The following TTC7B variants were observed in gnomAD, a reference collection of about 807,000 sequenced individuals.
TTC7B encodes the protein tetratricopeptide repeat protein 7B.
TTC7B carries 28 observed loss-of-function variants against 106.8 expected under a neutral mutation model. The observed-to-expected ratio is 0.26, with a 90% CI of 0.19 to 0.36. The LOEUF is 0.36. Among genes scored for constraint, TTC7B ranks in the 10% least tolerant of loss-of-function variants. The pLI, the probability that TTC7B is intolerant of heterozygous loss-of-function variation, is 1.00. For missense variants in TTC7B, 862 were observed against 1,076.4 expected (o/e 0.80, Z 2.79); for synonymous variants, 405 against 430.6 (o/e 0.94, Z 0.74).
chr14:90,668,118 C>CAAAAAAAA (rs3061073), intron 9 of TTC7B, among the ~76,000 whole-genome samples: 1 of 142,768 alleles, frequency 7.0e-6, no homozygotes. Flanking sequence ...TAAGACCAAC[C>CAAAAAAAA]AAAAAAAAAA....
chr14:90,685,775 C>A (rs1230241170), intron 7 of TTC7B, among the ~76,000 whole-genome samples: 1 of 151,994 alleles, frequency 6.6e-6, no homozygotes, highest in East Asian at 1.9e-4. Flanking sequence ...AAGATGCAAA[C>A]TATTCAAACT....
chr14:90,621,098 A>G (rs1884142857), intron 15 of TTC7B, among the ~76,000 whole-genome samples: 1 of 148,276 alleles, frequency 6.7e-6, no homozygotes, highest in Admixed American at 6.6e-5. Flanking sequence ...CAGAGGCCAC[A>G]TGGGTTTGGC....
chr14:90,780,988 C>G (rs944592701), intron 2 of TTC7B, 82 bp from the exon 3 acceptor site: 1 of 1,258,284 alleles, frequency 7.9e-7, no homozygotes, highest in East Asian at 2.3e-5. Context: ...CAGCTGCTGC[C>G]GTAAAACCCC....
At chr14:90,584,052 C>T (rs750457570) in intron 18 of TTC7B, among the ~76,000 whole-genome samples, 1 of 152,152 alleles carries the variant, frequency 6.6e-6, no homozygotes. Context: ...GGACACCCCT[C>T]GACCTCATCT....
chr14:90,696,097 C>T (rs568982044), intron 5 of TTC7B, among the ~76,000 whole-genome samples: 4 of 152,212 alleles, frequency 2.6e-5, no homozygotes, highest in African/African-American at 9.6e-5. Flanking sequence ...TCAAACCAAC[C>T]CTCCTCCAAA....
chr14:90,736,691 C>T (rs1396837175), intron 4 of TTC7B, among the ~76,000 whole-genome samples: 1 of 151,800 alleles, frequency 6.6e-6, no homozygotes, highest in East Asian at 1.9e-4. Context: ...TCAAGACCAG[C>T]CTGGGCAACA....
Position 90,785,313 on chromosome 14 carries a change from G to A in TTC7B, c.276+861C>T, listed in dbSNP as rs1340856438. Among the ~76,000 whole-genome samples the A allele has an allele frequency of 3.3e-5, 5 of 152,126 alleles. No homozygotes were observed. In the East Asian group the frequency reaches 9.6e-4, roughly 29 times the overall value. On this transcript the variant is annotated intron_variant, in intron 2 of 19. Coordinates refer to ENST00000328459, the MANE Select transcript of TTC7B (RefSeq NM_001010854.2). Reference sequence around the variant, plus strand: ...CTCAGAGGATTCCGAGACAGGAAGAGAAGAAAAATGAGAAAGAAGTCATCA... The same window carrying A: ...CTCAGAGGATTCCGAGACAGGAAGAAAAGAAAAATGAGAAAGAAGTCATCA...
chr14:90,800,651 A>G (rs2030202367), intron 1 of TTC7B, among the ~76,000 whole-genome samples: 1 of 151,966 alleles, frequency 6.6e-6, no homozygotes, highest in African/African-American at 2.4e-5. Flanking sequence ...CTCTACTAAA[A>G]ATACAAAAAA....
intron 15 of TTC7B, among the ~76,000 whole-genome samples, chr14:90,629,299 A>G (rs2139862506): frequency 6.6e-6 from 1 of 151,710 alleles, no homozygotes; most frequent in Non-Finnish European, 1.5e-5. Flanking sequence ...TGCAACCATT[A>G]CAAATGAACT....
intron 9 of TTC7B, among the ~76,000 whole-genome samples, chr14:90,671,501 G>T (rs1488882376): frequency 6.6e-6 from 1 of 152,168 alleles, no homozygotes; most frequent in Non-Finnish European, 1.5e-5. Context: ...CTCCTTAGCA[G>T]CTTGGGTTCA....
intron 13 of TTC7B, among the ~76,000 whole-genome samples, chr14:90,649,240 C>T (rs1268958599): frequency 1.3e-5 from 2 of 152,240 alleles, no homozygotes. Flanking sequence ...ATTTTAAAAA[C>T]CTTATTTCTA....
Position 90,527,427 on chromosome 14 carries a change from C to T in TTC7B, c.*13941G>A, listed in dbSNP as rs1889172325. 1 of 152,208 alleles carries T rather than the reference C, an allele frequency of 6.6e-6. No individual in the cohort carries two copies. Among genetic ancestry groups the T allele is most frequent in the Non-Finnish European group, 1.5e-5 (1 of 68,048 alleles). The allele number at this position is 152,208 out of a possible 1,614,324, so 9.4% of individuals were successfully genotyped here. A position where few individuals can be genotyped will look rare whatever the true frequency, so the allele number is the denominator to read the frequency against. On this transcript the variant is annotated 3_prime_UTR_variant, in exon 20 of 20. Coordinates refer to ENST00000328459, the MANE Select transcript of TTC7B (RefSeq NM_001010854.2). ...CTTAACCCCACCCCTGTTACTGTCC[C>T]TCTGGTAGAAGTCCTAATAATCTCT...
At chr14:90,764,128 C>T (rs56007385) in intron 3 of TTC7B, among the ~76,000 whole-genome samples, 41,589 of 151,794 alleles carry the variant, frequency 0.27, 9,364 homozygotes, top group African/African-American at 0.63. Flanking sequence ...ACCAGTGGTA[C>T]AGACAGAGAG....
At chr14:90,651,104 T>G (rs1885698001) in intron 13 of TTC7B, among the ~76,000 whole-genome samples, 1 of 152,252 alleles carries the variant, frequency 6.6e-6, no homozygotes, top group South Asian at 2.1e-4. Context: ...GAGAAAGTAC[T>G]TCTCATCAAA....
At chr14:90,695,034 T>A (rs1887662869) in intron 6 of TTC7B, among the ~76,000 whole-genome samples, 1 of 49,130 alleles carries the variant, frequency 2.0e-5, no homozygotes, top group Non-Finnish European at 4.0e-5. Flanking sequence ...TGTATATTTT[T>A]TATTTTATTA....
Position 90,663,759 on chromosome 14 carries a change from G to A in TTC7B, c.1153-5372C>T, listed in dbSNP as rs2054701033. Among the ~76,000 whole-genome samples the A allele has an allele frequency of 6.6e-6, 1 of 152,154 alleles. No individual in the cohort carries two copies. Among genetic ancestry groups the A allele is most frequent in the African/African-American group, 2.4e-5 (1 of 41,416 alleles). ...TCCTAAAGAGAGTTAGGAAATCTGG[G>A]TCAATTACAGATTAGCCCTCCACCC... On this transcript the variant is annotated intron_variant, in intron 9 of 19. Coordinates refer to ENST00000328459, the MANE Select transcript of TTC7B (RefSeq NM_001010854.2). The surrounding 1 kb of genome is among the most constrained non-coding windows in gnomAD (Gnocchi z 4.5).
Position 90,742,736 on chromosome 14 carries a change from G to A in TTC7B, c.576+2056C>T, listed in dbSNP as rs970055926. Among the ~76,000 whole-genome samples the A allele has an allele frequency of 3.3e-5, 5 of 152,136 alleles. No individual in the cohort carries two copies. Among genetic ancestry groups the A allele is most frequent in the Admixed American group, 6.5e-5 (1 of 15,274 alleles). On this transcript the variant is annotated intron_variant, in intron 4 of 19. Transcript: ENST00000328459. This position sits in a 1 kb window ranked among gnomAD's most constrained non-coding sequence, Gnocchi z 4.1. Reference sequence around the variant, plus strand: ...GAAAAGGATTTCTTTTAAATCCTACGACTATACAAGCCTCCTTGATGTTCC... The same window carrying A: ...GAAAAGGATTTCTTTTAAATCCTACAACTATACAAGCCTCCTTGATGTTCC...
At chr14:90,580,627 A>AC (rs1489944348) in intron 18 of TTC7B, among the ~76,000 whole-genome samples, 1 of 152,186 alleles carries the variant, frequency 6.6e-6, no homozygotes, top group Admixed American at 6.5e-5. Flanking sequence ...TTCTGCACAC[A>AC]CAGTGGGTGT....
chr14:90,809,394 C>T (rs2030775792), intron 1 of TTC7B, among the ~76,000 whole-genome samples: 1 of 152,244 alleles, frequency 6.6e-6, no homozygotes. Context: ...GGGGCCAGGG[C>T]CCCTACAGTG....
Sources: allele counts gnomAD v4.1 joint callset (sites outside exome capture counted in the v4.1 genomes callset), GRCh38; gene constraint gnomAD v4.1.1; non-coding constraint Gnocchi (gnomAD v3.1); transcripts MANE v1.5; gene names NCBI Gene and HGNC (gene_info 2026-07-23, HGNC 2026-07-21).